FANCG: variants seen among roughly 807,000 people sequenced by gnomAD.
The protein encoded by FANCG is Fanconi anemia group G protein.
In FANCG, 67 loss-of-function variants were observed where a neutral mutation model predicts 73.3. That is an observed-to-expected ratio of 0.91 (90% confidence interval 0.75 to 1.12). The LOEUF is 1.12. Ranked by LOEUF, FANCG falls within the 50% of genes most tolerant of loss-of-function variation. The probability of loss-of-function intolerance (pLI) is 0.00; values close to 1 mark genes in which losing one functional copy is unlikely to be tolerated. For missense variants in FANCG, 643 were observed against 735.6 expected, an observed-to-expected ratio of 0.87 and a Z score of 1.46; for synonymous variants, 297 against 311.6, an observed-to-expected ratio of 0.95 and a Z score of 0.49.
chr9:35,075,850 C>G, intron 9 of FANCG, 96 bp from the exon 10 acceptor site: 2 of 1,530,346 alleles, frequency 1.3e-6, no homozygotes, highest in Non-Finnish European at 1.8e-6. Flanking sequence ...CCTGGGCCCC[C>G]AGACTGGACA....
intron 9 of FANCG, 23 bp from the exon 10 acceptor site, chr9:35,075,777 T>C: frequency 6.4e-7 from 1 of 1,562,576 alleles, no homozygotes; most frequent in Non-Finnish European, 8.8e-7. Flanking sequence ...GAAGAAGCAG[T>C]GTCTTGAAAG....
chr9:35,079,063 T>A (rs1210940978), intron 2 of FANCG, 88 bp downstream of exon 2: 23 of 1,155,412 alleles, frequency 2.0e-5, no homozygotes, highest in Non-Finnish European at 2.9e-5. Context: ...CTGCCCCGAG[T>A]AATTATATCG....
rs200107462 is a variant in FANCG at position 35,077,117 on chromosome 9, G to T, written c.647-16C>A. The T allele has an allele frequency of 4.5e-4, 729 of 1,614,182 alleles. 13 individuals carry two copies. In the South Asian group the frequency reaches 6.3e-3, roughly 14 times the overall value. ...TCCTGGAGACCTGAGGACAGTCAGG[G>T]TGTGAGCTTGGAGAGGGCTATAGAG... is the stretch of plus-strand genomic sequence containing the variant. On this transcript the variant is annotated splice_polypyrimidine_tract_variant and intron_variant, in intron 5 of 13. Coordinates refer to ENST00000378643, the MANE Select transcript of FANCG (RefSeq NM_004629.2).
intron 3 of FANCG, 104 bp from the exon 4 acceptor site, chr9:35,078,447 G>A: frequency 6.6e-7 from 1 of 1,516,102 alleles, no homozygotes. Flanking sequence ...GGACCCCAAA[G>A]GTCACAATAA....
At chr9:35,074,550 G>C in intron 12 of FANCG, 56 bp from the exon 13 acceptor site, 1 of 1,611,940 alleles carries the variant, frequency 6.2e-7, no homozygotes, top group Non-Finnish European at 8.5e-7. Flanking sequence ...CTTAGGCATT[G>C]TTTTATAAAA....
Position 35,075,335 on chromosome 9 carries a change from G to A in FANCG, c.1434-10C>T. ...GAGCAGCTCGAGGCACCTGAAGTAG[G>A]ACACAGAACAGGGGTGAAGAGGAAT... is the stretch of plus-strand genomic sequence containing the variant. On this transcript the variant is annotated splice_polypyrimidine_tract_variant and intron_variant, in intron 10 of 13. Transcript: ENST00000378643. 6.2e-7 allele frequency: 1 copy of A among 1,614,084 alleles called. No homozygotes were observed. Among genetic ancestry groups the A allele is most frequent in the South Asian group, 1.1e-5 (1 of 91,058 alleles).
intron 12 of FANCG, 97 bp downstream of exon 12, chr9:35,074,830 T>G: frequency 1.1e-5 from 17 of 1,488,112 alleles, no homozygotes; most frequent in Non-Finnish European, 1.4e-5. Context: ...CCCTCCTGTC[T>G]GAGAACACCA....
In FANCG at chr9:35,076,927, A is replaced by G. The variant is rs772719813; in HGVS notation, c.777+44T>C. ...ACCCTTACAAAGCAAAAAGCTATAC[A>G]TAATGCTTGTGGTTTCCCCAATCCA... is the stretch of plus-strand genomic sequence containing the variant. On this transcript the variant is annotated intron_variant, in intron 6 of 13. Coordinates refer to ENST00000378643, the MANE Select transcript of FANCG (RefSeq NM_004629.2). 2.5e-6 allele frequency: 4 copies of G among 1,614,082 alleles called. No homozygotes were observed. In the African/African-American group the frequency reaches 4.0e-5, roughly 16 times the overall value.
At position 35,078,354 on chromosome 9, in the gene FANCG, TACACACACACATAG is replaced by T. The variant is rs1563987234; in HGVS notation, c.308-25_308-12del. On this transcript the variant is annotated splice_polypyrimidine_tract_variant and intron_variant, in intron 3 of 13. Coordinates refer to ENST00000378643, the MANE Select transcript of FANCG (RefSeq NM_004629.2). ...CCTGTGTCTCCAGCACTGTAGAGTATACACACACACATAGACACACACACAGCTGAAGTAGCACC... is the reference window on the plus strand; with the variant it reads ...CCTGTGTCTCCAGCACTGTAGAGTATACACACACACAGCTGAAGTAGCACC... 2.5e-6 allele frequency: 4 copies of T among 1,611,594 alleles called. No individual in the cohort carries two copies. Among genetic ancestry groups the T allele is most frequent in the East Asian group, 2.2e-5 (1 of 44,880 alleles).
chr9:35,074,556 TA>T, intron 12 of FANCG, 62 bp from the exon 13 acceptor site: 3 of 1,610,084 alleles, frequency 1.9e-6, no homozygotes, highest in Non-Finnish European at 2.5e-6. Context: ...CATTGTTTTA[TA>T]AAAAGGGAAA....
rs929035506 is a variant in FANCG at position 35,077,402 on chromosome 9, G to A, written c.511-3C>T. ...AGCAGATCCTTAGAGGCTCCACTCT[G>A]GGGAAAGAAGGACAACCAGAAGCTC... On this transcript the variant is annotated splice_region_variant and splice_polypyrimidine_tract_variant and intron_variant, in intron 4 of 13. Coordinates refer to ENST00000378643, the MANE Select transcript of FANCG (RefSeq NM_004629.2). The A allele has an allele frequency of 6.2e-7, 1 of 1,613,888 alleles. No homozygotes were observed. Among genetic ancestry groups the A allele is most frequent in the Non-Finnish European group, 8.5e-7 (1 of 1,179,998 alleles).
intron 2 of FANCG, among the ~76,000 whole-genome samples, 193 bp from the exon 3 acceptor site, chr9:35,078,929 C>T (rs1829134191): frequency 6.6e-6 from 1 of 152,192 alleles, no homozygotes; most frequent in Admixed American, 6.5e-5. Context: ...AAAAAGTTAT[C>T]CAGATCAGAC....
rs1430301100 is a variant in FANCG, at chr9:35,079,546, A to T, written c.-22T>A. ...ACATGGTGGCCGAGGCTGGGCCCGG[A>T]GACCAGAAGCGGACTTAGGAAGGGT... On this transcript the variant is annotated 5_prime_UTR_variant, in exon 1 of 14. Coordinates refer to ENST00000378643, the MANE Select transcript of FANCG (RefSeq NM_004629.2). 6.2e-7 allele frequency: 1 copy of T among 1,613,240 alleles called. No individual in the cohort carries two copies. The highest frequency in any genetic ancestry group is 8.5e-7 in the Non-Finnish European group (1 of 1,179,516).
intron 4 of FANCG, 51 bp downstream of exon 4, chr9:35,078,090 G>A: frequency 1.3e-6 from 2 of 1,536,916 alleles, no homozygotes; most frequent in Non-Finnish European, 1.8e-6. Context: ...GGAGAGAAAG[G>A]AGGAGGAAGG....
chr9:35,074,197 C>G lies in FANCG; in HGVS notation c.1780G>C (p.Glu594Gln). The G allele has an allele frequency of 6.2e-7, 1 of 1,614,214 alleles. No homozygotes were observed. Among genetic ancestry groups the G allele is most frequent in the East Asian group, 2.2e-5 (1 of 44,884 alleles). Residue 594 changes from glutamate to glutamine, a missense_variant, in exon 14 of 14, where the codon GAA (glutamate) becomes CAA (glutamine). Glu to Gln is a conservative substitution (Grantham distance 29). Coordinates refer to ENST00000378643, the MANE Select transcript of FANCG (RefSeq NM_004629.2). The stretch of plus-strand genomic sequence containing the variant: ...GGACGGATCCAGCTCAAATAGCTTT[C>G]TAGGTACAGGGGGAGAGACCTGGAG... ...DALWSLPLYLESYLSWIRPSD... is the reference protein window; with the variant it reads ...DALWSLPLYLQSYLSWIRPSD...
intron 3 of FANCG, 26 bp from the exon 4 acceptor site, chr9:35,078,369 A>T (rs751045540): frequency 1.9e-6 from 3 of 1,602,300 alleles, no homozygotes; most frequent in Middle Eastern, 2.0e-4. Context: ...ACACACATAG[A>T]CACACACACA....
At chr9:35,075,158 C>T in intron 11 of FANCG, 76 bp from the exon 12 acceptor site, 28 of 1,609,512 alleles carry the variant, frequency 1.7e-5, no homozygotes, top group Non-Finnish European at 2.3e-5. Context: ...TCCTCTATTT[C>T]TTCTTGTGTC....
chr9:35,075,092 A>G lies in FANCG; in HGVS notation c.1481-10T>C. ...CAGTTGAAAGCTGCCCCTGGGGACCACTCCCAAAGTCAAGAAGTGTCTTCC... is the reference window on the plus strand; with the variant it reads ...CAGTTGAAAGCTGCCCCTGGGGACCGCTCCCAAAGTCAAGAAGTGTCTTCC... On this transcript the variant is annotated splice_polypyrimidine_tract_variant and intron_variant, in intron 11 of 13. Coordinates refer to ENST00000378643, the MANE Select transcript of FANCG (RefSeq NM_004629.2). 1.9e-6 allele frequency: 3 copies of G among 1,613,514 alleles called. No individual in the cohort carries two copies. The highest frequency in any genetic ancestry group is 2.5e-6 in the Non-Finnish European group (3 of 1,179,976).
At position 35,079,911 on chromosome 9, in the gene FANCG, G is replaced by A. The variant is rs976256022; in HGVS notation, c.-387C>T. On this transcript the variant is annotated 5_prime_UTR_variant, in exon 1 of 14. Transcript: ENST00000378643. ...GCACGGCCGGCGGTGCGGCCCGCTC[G>A]GCTCTCGCGGAGGCCACAGCCTCGA... 3.2e-5 allele frequency: 13 copies of A among 410,270 alleles called. No homozygotes were observed. Among genetic ancestry groups the A allele is most frequent in the Non-Finnish European group, 6.0e-5 (13 of 217,926 alleles). 25.4% of individuals were successfully genotyped at this position (410,270 alleles called of 1,614,324 possible).
Sources: gnomAD v4.1 joint callset for allele counts (sites outside exome capture counted in the v4.1 genomes callset) on GRCh38, gnomAD v4.1.1 for gene constraint, MANE v1.5 for transcripts, NCBI Gene and HGNC (gene_info 2026-07-23, HGNC 2026-07-21) for gene names.